The following RRP15 variants were observed in gnomAD, a reference collection of about 807,000 sequenced individuals.
RRP15 encodes the protein RRP15-like protein.
In RRP15, 18 loss-of-function variants were observed where a neutral mutation model predicts 27.1. The ratio of observed to expected loss-of-function variants is 0.66; its 90% CI spans 0.46 to 0.98. The LOEUF (loss-of-function observed/expected upper bound fraction) is 0.98, where lower values mean the gene tolerates loss of function less well. RRP15 is among the 50% of genes least tolerant of loss of function. The pLI is 0.00. For synonymous variants in RRP15, 107 were observed against 109.4 expected, an observed-to-expected ratio of 0.98 and a Z score of 0.14; for missense variants, 359 against 337.8, an observed-to-expected ratio of 1.06 and a Z score of -0.49.
chr1:218,322,387 G>A (rs1283264906), intron 4 of RRP15, among the ~76,000 whole-genome samples: 1 of 152,074 alleles, frequency 6.6e-6, no homozygotes, highest in Non-Finnish European at 1.5e-5. Flanking sequence ...TTCATTTATT[G>A]TTAGGAAGTA....
At chr1:218,293,285 A>G (rs1369162695) in intron 1 of RRP15, among the ~76,000 whole-genome samples, 1 of 152,220 alleles carries the variant, frequency 6.6e-6, no homozygotes, top group Non-Finnish European at 1.5e-5. Context: ...GCTATTTAAT[A>G]TAAGAAATTG....
chr1:218,285,371 A>T lies in RRP15; in HGVS notation c.55A>T (p.Thr19Ser), dbSNP rs753861105. The T allele has an allele frequency of 6.2e-7, 1 of 1,614,016 alleles. No homozygotes were observed. The highest frequency in any genetic ancestry group is 8.5e-7 in the Non-Finnish European group (1 of 1,179,994). Residue 19 changes from threonine (T) to serine (S), a missense_variant, in exon 1 of 5, where the codon ACC (threonine) becomes TCC (serine). Transcript: ENST00000366932. ...RVSEEENLKK[T>S]PKKKMKMVTG... is the part of the protein sequence containing the mutation. Reference sequence around the variant, plus strand: ...GAGTGAGGAAGAAAACCTGAAAAAGACCCCAAAGAAGAAGATGAAAATGGT... The same window carrying T: ...GAGTGAGGAAGAAAACCTGAAAAAGTCCCCAAAGAAGAAGATGAAAATGGT...
At chr1:218,315,503 C>T (rs1656074509) in intron 4 of RRP15, among the ~76,000 whole-genome samples, 1 of 152,194 alleles carries the variant, frequency 6.6e-6, no homozygotes, top group African/African-American at 2.4e-5. Context: ...TCTTGGCTTA[C>T]TGCAACCTCT....
intron 1 of RRP15, among the ~76,000 whole-genome samples, chr1:218,294,571 A>G (rs1338148808): frequency 2.0e-5 from 3 of 152,126 alleles, no homozygotes; most frequent in Admixed American, 6.5e-5. Flanking sequence ...AGGTGTGTGG[A>G]GCTTCCATGC....
chr1:218,302,351 A>T lies in RRP15; in HGVS notation c.197A>T (p.Asp66Val), dbSNP rs1166120145. 2 of 1,614,132 alleles carry T rather than the reference A, an allele frequency of 1.2e-6. No homozygotes were observed. The highest frequency in any genetic ancestry group is 3.3e-5 in the Admixed American group (2 of 60,012). ...TCTGATGATGACGCAATAGAAGCTGACAGTGAGGGTGATGCTGAGCCCTGT... is the reference window on the plus strand; with the variant it reads ...TCTGATGATGACGCAATAGAAGCTGTCAGTGAGGGTGATGCTGAGCCCTGT... ...FYSDDDAIEA[D>V]SEGDAEPCDK... is the part of the protein sequence containing the mutation. The change falls in exon 2 of 5, where the codon GAC becomes GTC. Residue 66 changes from aspartate (D) to valine (V), a missense_variant. Transcript: ENST00000366932.
chr1:218,309,610 G>A (rs1655958507), intron 4 of RRP15, among the ~76,000 whole-genome samples: 1 of 149,186 alleles, frequency 6.7e-6, no homozygotes, highest in Admixed American at 6.7e-5. Flanking sequence ...TTGAACCCGG[G>A]AGGCAGAGGG....
chr1:218,286,326 A>C (rs1655548693), intron 1 of RRP15, among the ~76,000 whole-genome samples: 1 of 152,182 alleles, frequency 6.6e-6, no homozygotes, highest in Admixed American at 6.5e-5. Flanking sequence ...AACTGTAATC[A>C]TGCCATACCG....
intron 1 of RRP15, among the ~76,000 whole-genome samples, chr1:218,299,880 G>A (rs1655783918): frequency 6.6e-6 from 1 of 152,090 alleles, no homozygotes; most frequent in East Asian, 1.9e-4. Flanking sequence ...TGGGTACACT[G>A]GTCCTAGGAG....
intron 4 of RRP15, among the ~76,000 whole-genome samples, chr1:218,323,182 TC>T (rs1375866464): frequency 6.6e-6 from 1 of 152,220 alleles, no homozygotes; most frequent in African/African-American, 2.4e-5. Context: ...CCTTCTTCTT[TC>T]CTTGTCACCT....
intron 1 of RRP15, among the ~76,000 whole-genome samples, chr1:218,295,917 T>A (rs7525838): frequency 6.6e-6 from 1 of 152,206 alleles, no homozygotes; most frequent in Non-Finnish European, 1.5e-5. Flanking sequence ...GGTAACTTTT[T>A]TTTTTTGAAG....
chr1:218,318,948 C>A (rs1220934090), intron 4 of RRP15, among the ~76,000 whole-genome samples: 4 of 152,076 alleles, frequency 2.6e-5, no homozygotes, highest in African/African-American at 4.8e-5. Context: ...TTAGCTGACA[C>A]TTTTCAAGAG....
At chr1:218,309,859 G>A (rs1054341184) in intron 4 of RRP15, among the ~76,000 whole-genome samples, 1 of 152,060 alleles carries the variant, frequency 6.6e-6, no homozygotes, top group Non-Finnish European at 1.5e-5. Flanking sequence ...TCAAGTACAC[G>A]TTAACATTAG....
intron 4 of RRP15, among the ~76,000 whole-genome samples, chr1:218,308,413 G>A (rs548746407): frequency 1.3e-5 from 2 of 151,916 alleles, no homozygotes; most frequent in Admixed American, 1.3e-4. Flanking sequence ...GTTTTGAGAT[G>A]TGCTTTACTT....
At chr1:218,325,589 A>G (rs976169877) in intron 4 of RRP15, among the ~76,000 whole-genome samples, 1 of 151,854 alleles carries the variant, frequency 6.6e-6, no homozygotes, top group Non-Finnish European at 1.5e-5. Context: ...GAATCTTTCG[A>G]TTTCTGATTA....
At chr1:218,316,009 T>C (rs960498813) in intron 4 of RRP15, among the ~76,000 whole-genome samples, 2 of 152,322 alleles carry the variant, frequency 1.3e-5, no homozygotes, top group African/African-American at 4.8e-5. Flanking sequence ...ATTATACATA[T>C]TACTGTTGAT....
At chr1:218,329,824 ATT>A (rs879374817) in intron 4 of RRP15, among the ~76,000 whole-genome samples, 2 of 146,220 alleles carry the variant, frequency 1.4e-5, no homozygotes, top group Admixed American at 6.8e-5. Flanking sequence ...ATAGTGGTCA[ATT>A]TTTTTTTTTT....
chr1:218,297,403 G>T (rs988979695), intron 1 of RRP15, among the ~76,000 whole-genome samples: 2 of 152,126 alleles, frequency 1.3e-5, no homozygotes, highest in Non-Finnish European at 2.9e-5. Context: ...TGTGTGTGTG[G>T]TGTGTAATCA....
intron 2 of RRP15, among the ~76,000 whole-genome samples, chr1:218,304,002 T>TA (rs938962934): frequency 3.3e-5 from 5 of 151,682 alleles, no homozygotes; most frequent in African/African-American, 7.3e-5. Context: ...AGTAAGATTT[T>TA]AAAAAAAAAT....
intron 3 of RRP15, among the ~76,000 whole-genome samples, 166 bp downstream of exon 3, chr1:218,305,291 C>T (rs944757005): frequency 2.0e-5 from 3 of 152,112 alleles, no homozygotes; most frequent in South Asian, 2.1e-4. Flanking sequence ...TTCCAGGTCT[C>T]GTGAAGCAAG....
Sources: gnomAD v4.1 joint callset for allele counts (sites outside exome capture counted in the v4.1 genomes callset) on GRCh38, gnomAD v4.1.1 for gene constraint, MANE v1.5 for transcripts, NCBI Gene and HGNC (gene_info 2026-07-23, HGNC 2026-07-21) for gene names.